The following CDK14 variants were observed in gnomAD, a reference collection of about 807,000 sequenced individuals.
CDK14 encodes the protein cyclin dependent kinase 14.
CDK14 carries 34 observed loss-of-function variants against 60.7 expected under a neutral mutation model. The observed-to-expected ratio is 0.56, with a 90% CI of 0.43 to 0.75. The LOEUF (loss-of-function observed/expected upper bound fraction) is 0.75. CDK14 is among the 30% of genes least tolerant of loss of function. The pLI is 0.00. For missense variants in CDK14, 482 were observed against 564.1 expected (o/e 0.85, Z 1.47); for synonymous variants, 197 against 203.7 (o/e 0.97, Z 0.28).
intron 10 of CDK14, among the ~76,000 whole-genome samples, chr7:91,020,658 A>G (rs1796410320): frequency 1.3e-5 from 2 of 152,268 alleles, no homozygotes; most frequent in Middle Eastern, 3.4e-3. Context: ...GACCACTGGG[A>G]TTTGAATCCC....
chr7:90,797,369 A>G (rs920438642), intron 5 of CDK14, among the ~76,000 whole-genome samples: 1 of 151,886 alleles, frequency 6.6e-6, no homozygotes, highest in Non-Finnish European at 1.5e-5. Flanking sequence ...TACAAGGACA[A>G]TAATCACTTT....
chr7:90,837,291 CTT>C (rs1211895994), intron 5 of CDK14, among the ~76,000 whole-genome samples: 16 of 141,590 alleles, frequency 1.1e-4, no homozygotes, highest in Admixed American at 1.4e-4. Flanking sequence ...TTTCTTTTTT[CTT>C]TTTTTTTTTT....
intron 12 of CDK14, among the ~76,000 whole-genome samples, chr7:91,097,816 C>T (rs187639538): frequency 6.7e-4 from 102 of 152,242 alleles, no homozygotes; most frequent in African/African-American, 2.3e-3. Flanking sequence ...TGAAAAACAT[C>T]GCTAGCACGT....
At chr7:91,174,213 G>A (rs1386658068) in intron 14 of CDK14, among the ~76,000 whole-genome samples, 2 of 151,922 alleles carry the variant, frequency 1.3e-5, no homozygotes, top group Non-Finnish European at 2.9e-5. Flanking sequence ...ACCTCACACG[G>A]CAGGGTATTC....
chr7:90,905,426 GGAAA>G (rs562849084), intron 7 of CDK14, among the ~76,000 whole-genome samples: 115 of 152,026 alleles, frequency 7.6e-4, no homozygotes, highest in African/African-American at 2.6e-3. Context: ...TTTGTGCAGG[GGAAA>G]GAAAGGTATT....
chr7:90,772,839 C>T (rs527998447), intron 4 of CDK14, among the ~76,000 whole-genome samples: 9 of 152,058 alleles, frequency 5.9e-5, no homozygotes, highest in Admixed American at 1.3e-4. Context: ...TAAACCACAG[C>T]GAAATAGATG....
At chr7:90,638,071 G>T (rs6971871) in intron 2 of CDK14, among the ~76,000 whole-genome samples, 45,300 of 147,376 alleles carry the variant, frequency 0.31, 7,926 homozygotes, top group East Asian at 0.66. Context: ...TGATGGGTCT[G>T]GACTCTGTAT....
At chr7:91,179,811 A>AG in intron 14 of CDK14, among the ~76,000 whole-genome samples, 1 of 152,276 alleles carries the variant, frequency 6.6e-6, no homozygotes, top group East Asian at 1.9e-4. Context: ...TCAAAAAAAA[A>AG]AAAGTTTACT....
At chr7:90,600,683 A>G (rs1244829873) in intron 1 of CDK14, among the ~76,000 whole-genome samples, 2 of 152,258 alleles carry the variant, frequency 1.3e-5, no homozygotes, top group African/African-American at 4.8e-5. Context: ...ATGTTCAGAC[A>G]CAAAATTTAA....
intron 12 of CDK14, among the ~76,000 whole-genome samples, chr7:91,086,750 C>T (rs1168756015): frequency 6.6e-6 from 1 of 151,948 alleles, no homozygotes; most frequent in Non-Finnish European, 1.5e-5. Context: ...GAAGCATGAA[C>T]AGAAATGCAG....
At chr7:90,766,672 A>AT (rs1298021402) in intron 4 of CDK14, among the ~76,000 whole-genome samples, 6 of 152,148 alleles carry the variant, frequency 3.9e-5, no homozygotes, top group African/African-American at 1.4e-4. Flanking sequence ...TGCCATGACT[A>AT]TGCCAATTGT....
chr7:90,895,328 TTCCTCTCCTC>T (rs1266789751), intron 6 of CDK14, among the ~76,000 whole-genome samples: 1 of 58,330 alleles, frequency 1.7e-5, no homozygotes, highest in African/African-American at 5.2e-5. Flanking sequence ...TTCCTCTCCT[TTCCTCTCCTC>T]TCCTCTCCTC....
rs149308809 is a variant in CDK14, at chr7:90,659,875, CTGTG to C, written c.123+55649_123+55652del. On this transcript the variant is annotated intron_variant, in intron 2 of 14. Transcript: ENST00000380050. ...TCTCTCTCTCTCTCTCTCTCTCTCTCTGTGTGTGTGTGTGTGTGTGTGTGTGCAC... is the reference window on the plus strand; with the variant it reads ...TCTCTCTCTCTCTCTCTCTCTCTCTCTGTGTGTGTGTGTGTGTGTGTGCAC... 6.1e-3 allele frequency among the ~76,000 whole-genome samples: 782 copies of C among 128,622 alleles called. 8 individuals are homozygous for C. Among genetic ancestry groups the C allele is most frequent in the African/African-American group, 8.7e-3 (285 of 32,670 alleles). The allele number at this position is 128,622 out of a possible 152,430, so 84.4% of individuals were successfully genotyped here.
intron 14 of CDK14, among the ~76,000 whole-genome samples, chr7:91,150,425 T>C (rs1341998223): frequency 6.6e-6 from 1 of 152,168 alleles, no homozygotes; most frequent in East Asian, 1.9e-4. Flanking sequence ...TTTCAAACAG[T>C]TGTGATTTTT....
intron 14 of CDK14, among the ~76,000 whole-genome samples, chr7:91,141,713 T>C (rs1364414982): frequency 6.6e-6 from 1 of 152,202 alleles, no homozygotes; most frequent in Non-Finnish European, 1.5e-5. Context: ...TTTCTCTTAC[T>C]TTTCCAAAAC....
At chr7:91,069,917 C>T (rs1424240557) in intron 11 of CDK14, among the ~76,000 whole-genome samples, 2 of 152,158 alleles carry the variant, frequency 1.3e-5, no homozygotes, top group African/African-American at 4.8e-5. Context: ...CCACATTAGC[C>T]TCCTGAGTAG....
At chr7:90,974,450 T>C (rs1351833842) in intron 9 of CDK14, among the ~76,000 whole-genome samples, 3 of 152,192 alleles carry the variant, frequency 2.0e-5, no homozygotes, top group Non-Finnish European at 4.4e-5. Context: ...AACTAATAAA[T>C]GTCCATGAAA....
chr7:90,859,697 A>G (rs892431764), intron 5 of CDK14, among the ~76,000 whole-genome samples: 1 of 152,096 alleles, frequency 6.6e-6, no homozygotes, highest in Non-Finnish European at 1.5e-5. Flanking sequence ...AGTGTGATAC[A>G]TTTGTTGCAG....
chr7:90,813,688 G>C (rs1789231886), intron 5 of CDK14, among the ~76,000 whole-genome samples: 1 of 152,072 alleles, frequency 6.6e-6, no homozygotes, highest in Non-Finnish European at 1.5e-5. Context: ...GGCAGAGGTT[G>C]CAGTGAGCTG....
Sources: gnomAD v4.1 joint callset for allele counts (sites outside exome capture counted in the v4.1 genomes callset) on GRCh38, gnomAD v4.1.1 for gene constraint, MANE v1.5 for transcripts, NCBI Gene and HGNC (gene_info 2026-07-23, HGNC 2026-07-21) for gene names.